The following SLC30A8 variants were observed in gnomAD, a reference collection of about 807,000 sequenced individuals.
The protein encoded by SLC30A8 is solute carrier family 30 member 8, also known as proton-coupled zinc antiporter SLC30A8.
In SLC30A8, 27 loss-of-function variants were observed where a neutral mutation model predicts 36.9. The observed-to-expected ratio is 0.73, with a 90% confidence interval of 0.54 to 1.01. The LOEUF (loss-of-function observed/expected upper bound fraction) is 1.01. Among genes scored for constraint, SLC30A8 ranks in the 50% least tolerant of loss-of-function variants. The probability of loss-of-function intolerance (pLI) is 0.00; values close to 1 mark genes in which losing one functional copy is unlikely to be tolerated. For missense variants in SLC30A8, 439 were observed against 452.0 expected (o/e 0.97, Z 0.26); for synonymous variants, 164 against 172.4 (o/e 0.95, Z 0.38).
chr8:117,065,137 G>C (rs1387386550), intron 2 of SLC30A8, among the ~76,000 whole-genome samples: 1 of 152,102 alleles, frequency 6.6e-6, no homozygotes, highest in African/African-American at 2.4e-5. Context: ...ATCTGGGTCA[G>C]AAAGATTGCA....
At chr8:117,041,350 A>G (rs1817381381) in intron 2 of SLC30A8, among the ~76,000 whole-genome samples, 1 of 152,214 alleles carries the variant, frequency 6.6e-6, no homozygotes, top group Non-Finnish European at 1.5e-5. Flanking sequence ...GCAGGTTGAA[A>G]AAGGAATTTG....
At chr8:117,107,521 C>T (rs1820044159) in intron 2 of SLC30A8, among the ~76,000 whole-genome samples, 1 of 152,066 alleles carries the variant, frequency 6.6e-6, no homozygotes, top group Admixed American at 6.6e-5. Context: ...ATTCTTATAC[C>T]AGCTAGAAAT....
intron 1 of SLC30A8, among the ~76,000 whole-genome samples, chr8:116,983,152 T>C (rs1226199227): frequency 6.6e-6 from 1 of 152,180 alleles, no homozygotes; most frequent in Non-Finnish European, 1.5e-5. Flanking sequence ...TGTGTACTTT[T>C]TTATAAAACC....
At chr8:116,986,591 AAAAC>A (rs1815451146) in intron 1 of SLC30A8, among the ~76,000 whole-genome samples, 3 of 152,208 alleles carry the variant, frequency 2.0e-5, no homozygotes, top group Non-Finnish European at 2.9e-5. Context: ...GATAGACCGA[AAAAC>A]AAACAAAATT....
chr8:117,090,443 A>G (rs1401483802), intron 2 of SLC30A8, among the ~76,000 whole-genome samples: 2 of 152,194 alleles, frequency 1.3e-5, no homozygotes, highest in African/African-American at 2.4e-5. Context: ...AACATAAACA[A>G]AAGAAGTGTA....
chr8:117,148,827 T>C (rs1822024315), intron 2 of SLC30A8, among the ~76,000 whole-genome samples: 1 of 152,212 alleles, frequency 6.6e-6, no homozygotes, highest in African/African-American at 2.4e-5. Flanking sequence ...CCACCGTTTT[T>C]CATGTTTTGT....
chr8:117,123,934 G>C (rs1161328678), intron 2 of SLC30A8, among the ~76,000 whole-genome samples: 1 of 152,004 alleles, frequency 6.6e-6, no homozygotes, highest in Non-Finnish European at 1.5e-5. Context: ...TTAACTTGCT[G>C]TGGGGAATCC....
At chr8:117,046,106 G>T (rs764511611) in intron 2 of SLC30A8, among the ~76,000 whole-genome samples, 1 of 152,144 alleles carries the variant, frequency 6.6e-6, no homozygotes, top group Non-Finnish European at 1.5e-5. Flanking sequence ...TGAAGGGCAG[G>T]ATCAGAGGGA....
intron 2 of SLC30A8, among the ~76,000 whole-genome samples, chr8:117,094,132 C>T (rs758419910): frequency 4.6e-5 from 7 of 152,232 alleles, no homozygotes; most frequent in African/African-American, 7.2e-5. Flanking sequence ...TCGGGCTCCC[C>T]GAAGGGCCAC....
chr8:117,094,497 C>T (rs1445288293), intron 2 of SLC30A8, among the ~76,000 whole-genome samples: 1 of 152,168 alleles, frequency 6.6e-6, no homozygotes, highest in African/African-American at 2.4e-5. Context: ...GTGTCCAGCT[C>T]TCAGCAGAGA....
At chr8:117,005,689 A>G (rs1179870788) in intron 1 of SLC30A8, among the ~76,000 whole-genome samples, 2 of 152,216 alleles carry the variant, frequency 1.3e-5, no homozygotes, top group Admixed American at 6.5e-5. Flanking sequence ...ACATTACCAC[A>G]TTCTTTCAAA....
intron 3 of SLC30A8, among the ~76,000 whole-genome samples, chr8:117,153,460 C>G (rs1287035499): frequency 6.6e-6 from 1 of 152,064 alleles, no homozygotes; most frequent in Non-Finnish European, 1.5e-5. Context: ...GCACAGAGCA[C>G]CCAAGAGAGT....
chr8:117,092,113 G>A (rs928070114), intron 2 of SLC30A8, among the ~76,000 whole-genome samples: 9 of 152,124 alleles, frequency 5.9e-5, no homozygotes, highest in African/African-American at 2.2e-4. Flanking sequence ...AGAAAGTATT[G>A]GTAGAACTGT....
At chr8:117,093,223 C>T (rs1469568493) in intron 2 of SLC30A8, among the ~76,000 whole-genome samples, 1 of 151,904 alleles carries the variant, frequency 6.6e-6, no homozygotes, top group Non-Finnish European at 1.5e-5. Flanking sequence ...ATAACCATGT[C>T]TGTGACTCCT....
rs554049727 is a variant in SLC30A8, at chr8:116,967,554, C to G, written c.-266+16435C>G. On this transcript the variant is annotated intron_variant, in intron 1 of 10. Transcript: ENST00000427715. ...AACCCTCAAGTCGAACTGTATTTTCCAATCTGCAACATGTAATACTGTGTC... is the reference window on the plus strand; with the variant it reads ...AACCCTCAAGTCGAACTGTATTTTCGAATCTGCAACATGTAATACTGTGTC... Among the ~76,000 whole-genome samples, 19 of 152,234 alleles carry G rather than the reference C, an allele frequency of 1.2e-4. No individual in the cohort carries two copies. The South Asian group carries it at 3.7e-3, about 30-fold the overall frequency.
At chr8:117,018,253 AATAAATACATAC>A (rs1436342313) in intron 1 of SLC30A8, 1 of 121,434 alleles carries the variant, frequency 8.2e-6, no homozygotes, top group Non-Finnish European at 2.0e-5. Context: ...GTCTCTTATA[AATAAATACATAC>A]ATACATACAT....
chr8:117,033,548 G>A (rs1817120257), intron 1 of SLC30A8, among the ~76,000 whole-genome samples: 1 of 152,176 alleles, frequency 6.6e-6, no homozygotes, highest in African/African-American at 2.4e-5. Context: ...GTAGATAGAG[G>A]GAGTGATTAC....
intron 2 of SLC30A8, among the ~76,000 whole-genome samples, chr8:117,096,062 C>T (rs116027295): frequency 0.012 from 1,784 of 152,234 alleles, 52 homozygotes; most frequent in African/African-American, 0.041. Flanking sequence ...ATCTTTCTCT[C>T]ACACCAGCTC....
At chr8:117,089,350 C>G (rs961192710) in intron 2 of SLC30A8, among the ~76,000 whole-genome samples, 2 of 152,162 alleles carry the variant, frequency 1.3e-5, no homozygotes, top group Non-Finnish European at 2.9e-5. Context: ...CACCATATTC[C>G]CAGCTGAATT....
Sources: allele counts gnomAD v4.1 joint callset (sites outside exome capture counted in the v4.1 genomes callset), GRCh38; gene constraint gnomAD v4.1.1; transcripts MANE v1.5; gene names NCBI Gene and HGNC (gene_info 2026-07-23, HGNC 2026-07-21).